Variants in RPH3A observed in about 807,000 individuals in gnomAD.
The protein encoded by RPH3A is rabphilin-3A.
RPH3A carries 48 observed loss-of-function variants against 102.2 expected under a neutral mutation model. That is an observed-to-expected ratio of 0.47 (90% CI 0.37 to 0.60). The LOEUF (loss-of-function observed/expected upper bound fraction) is 0.60, where lower values mean the gene tolerates loss of function less well. Ranked by LOEUF, RPH3A falls within the 20% of genes least tolerant of loss-of-function variation. The pLI, the probability that RPH3A is intolerant of heterozygous loss-of-function variation, is 0.00. For missense variants in RPH3A, 781 were observed against 910.1 expected, an observed-to-expected ratio of 0.86 and a Z score of 1.83; for synonymous variants, 310 against 324.3, an observed-to-expected ratio of 0.96 and a Z score of 0.47.
At chr12:112,701,629 T>TG (rs1180744268) in intron 1 of RPH3A, among the ~76,000 whole-genome samples, 4 of 152,162 alleles carry the variant, frequency 2.6e-5, no homozygotes, top group African/African-American at 9.7e-5. Flanking sequence ...AATCTTATAT[T>TG]GGGGAGTGAT....
At chr12:112,685,563 A>G (rs934374945) in intron 1 of RPH3A, among the ~76,000 whole-genome samples, 11 of 152,284 alleles carry the variant, frequency 7.2e-5, no homozygotes, top group Admixed American at 4.6e-4. Flanking sequence ...AGGAGTCACT[A>G]CCTGGTTCGC....
intron 1 of RPH3A, among the ~76,000 whole-genome samples, chr12:112,737,596 T>C (rs1446251156): frequency 6.6e-6 from 1 of 152,156 alleles, no homozygotes; most frequent in African/African-American, 2.4e-5. Context: ...GGCTAGTTGA[T>C]CCTGCAGTTT....
At chr12:112,613,850 G>A (rs913149031) in intron 1 of RPH3A, among the ~76,000 whole-genome samples, 2 of 152,148 alleles carry the variant, frequency 1.3e-5, no homozygotes, top group African/African-American at 2.4e-5. Context: ...AGACTGAGGC[G>A]AGAGGATTGC....
chr12:112,619,294 G>A (rs1035032171), intron 1 of RPH3A, among the ~76,000 whole-genome samples: 2 of 142,304 alleles, frequency 1.4e-5, no homozygotes, highest in Admixed American at 7.1e-5. Context: ...GTGTGTGTGT[G>A]TGTGTTTTGA....
chr12:112,661,329 C>T (rs1419973528), intron 1 of RPH3A, among the ~76,000 whole-genome samples: 1 of 152,144 alleles, frequency 6.6e-6, no homozygotes, highest in African/African-American at 2.4e-5. Flanking sequence ...CTACTACTCA[C>T]TTGATAGATG....
chr12:112,649,698 G>A (rs928288409), intron 1 of RPH3A, among the ~76,000 whole-genome samples: 22 of 152,218 alleles, frequency 1.4e-4, no homozygotes, highest in Non-Finnish European at 1.5e-5. Context: ...GTATTAGCCT[G>A]TTACGGCTGC....
chr12:112,734,756 G>T (rs1397802441), intron 1 of RPH3A, among the ~76,000 whole-genome samples: 1 of 152,192 alleles, frequency 6.6e-6, no homozygotes, highest in Non-Finnish European at 1.5e-5. Flanking sequence ...GTATCTTTCT[G>T]ACTTTGCCAT....
Position 112,617,325 on chromosome 12 carries a change from G to T in RPH3A, c.-140+42006G>T, listed in dbSNP as rs575628980. On this transcript the variant is annotated intron_variant, in intron 1 of 21. Transcript: ENST00000543106. ...GTTGGTGGCAGTATAATTAATCCCA[G>T]GCTCCTTGGGGTGGCTCAGCATCCC... 3.7e-3 allele frequency among the ~76,000 whole-genome samples: 559 copies of T among 152,258 alleles called. 4 individuals are homozygous for T. The highest frequency in any genetic ancestry group is 4.9e-3 in the Non-Finnish European group (332 of 68,012).
At chr12:112,655,719 TAC>T (rs1462817533) in intron 1 of RPH3A, among the ~76,000 whole-genome samples, 1 of 151,802 alleles carries the variant, frequency 6.6e-6, no homozygotes, top group Non-Finnish European at 1.5e-5. Context: ...TACAGGTGCA[TAC>T]CACCATGCTT....
At chr12:112,888,530 T>G (rs2043041381) in intron 17 of RPH3A, among the ~76,000 whole-genome samples, 1 of 152,258 alleles carries the variant, frequency 6.6e-6, no homozygotes, top group South Asian at 2.1e-4. Context: ...ATCCTGGCTC[T>G]GCCACTTAGG....
chr12:112,863,568 C>T (rs1804274761), intron 5 of RPH3A, among the ~76,000 whole-genome samples: 1 of 152,256 alleles, frequency 6.6e-6, no homozygotes, highest in African/African-American at 2.4e-5. Context: ...AATCCAACAA[C>T]TTGGCCTCCC....
intron 1 of RPH3A, among the ~76,000 whole-genome samples, chr12:112,602,783 C>T (rs895323430): frequency 2.0e-5 from 3 of 150,482 alleles, no homozygotes; most frequent in Non-Finnish European, 4.4e-5. Context: ...CACAATGGGA[C>T]GCTATTAAAA....
At chr12:112,692,161 A>C (rs1205639139) in intron 1 of RPH3A, among the ~76,000 whole-genome samples, 1 of 152,210 alleles carries the variant, frequency 6.6e-6, no homozygotes, top group East Asian at 1.9e-4. Flanking sequence ...TGGATATTAG[A>C]GGCTGGGAAG....
At position 112,725,955 on chromosome 12, in the gene RPH3A, C is replaced by T. The variant is rs564725065; in HGVS notation, c.-139-66188C>T. 3.5e-4 allele frequency among the ~76,000 whole-genome samples: 54 copies of T among 152,146 alleles called. 1 individual carries two copies. The highest frequency in any genetic ancestry group is 2.1e-4 in the Non-Finnish European group (14 of 68,012). On this transcript the variant is annotated intron_variant, in intron 1 of 21. Transcript: ENST00000543106. ...GGACTACAGGCACCCGCCACCACGCCCGGCTAATTTGTTGTGTATTTAGTA... is the reference window on the plus strand; with the variant it reads ...GGACTACAGGCACCCGCCACCACGCTCGGCTAATTTGTTGTGTATTTAGTA...
chr12:112,783,278 C>G (rs2136079322), intron 1 of RPH3A, among the ~76,000 whole-genome samples: 1 of 152,230 alleles, frequency 6.6e-6, no homozygotes. Context: ...GAAGAGGTGC[C>G]CAGGGCATTG....
In RPH3A at chr12:112,669,249, G is replaced by A. The variant is rs76423432; in HGVS notation, c.-140+93930G>A. On this transcript the variant is annotated intron_variant, in intron 1 of 21. Coordinates refer to the RPH3A transcript ENST00000543106. ...CAGTGGTCCTGAAAATGACAATTAG[G>A]AGTAAAGGTGGCTTGTGATAGATAC... Among the ~76,000 whole-genome samples, 151 of 152,320 alleles carry A rather than the reference G, an allele frequency of 9.9e-4. 2 individuals carry two copies. The East Asian group carries it at 0.025, about 25-fold the overall frequency.
At chr12:112,883,101 T>A (rs2042943854) in intron 15 of RPH3A, among the ~76,000 whole-genome samples, 192 bp from the exon 16 acceptor site, 1 of 152,120 alleles carries the variant, frequency 6.6e-6, no homozygotes, top group African/African-American at 2.4e-5. Context: ...CAAGCATTGA[T>A]CCATTTTTCT....
At chr12:112,885,129 G>A (rs1159512416) in intron 16 of RPH3A, among the ~76,000 whole-genome samples, 1 of 152,174 alleles carries the variant, frequency 6.6e-6, no homozygotes, top group African/African-American at 2.4e-5. Context: ...GTATTTGGGT[G>A]GTTTCTAGTT....
chr12:112,886,031 C>G (rs1054138476), intron 16 of RPH3A, among the ~76,000 whole-genome samples: 2 of 152,184 alleles, frequency 1.3e-5, no homozygotes, highest in Admixed American at 6.5e-5. Flanking sequence ...ACACCCCAAC[C>G]AGCTCAGTAG....
Sources: gnomAD v4.1 joint callset for allele counts (sites outside exome capture counted in the v4.1 genomes callset) on GRCh38, gnomAD v4.1.1 for gene constraint, MANE v1.5 for transcripts, NCBI Gene and HGNC (gene_info 2026-07-23, HGNC 2026-07-21) for gene names.